The following TMEM117 variants were observed in gnomAD, a reference collection of about 807,000 sequenced individuals.
TMEM117 encodes transmembrane protein 117.
In TMEM117, 27 loss-of-function variants were observed where a neutral mutation model predicts 52.4. The ratio of observed to expected loss-of-function variants is 0.51; its 90% confidence interval spans 0.38 to 0.71. The LOEUF (loss-of-function observed/expected upper bound fraction) is 0.71. Ranked by LOEUF, TMEM117 falls within the 30% of genes least tolerant of loss-of-function variation. The probability of loss-of-function intolerance (pLI) is 0.00; values close to 1 mark genes in which losing one functional copy is unlikely to be tolerated. For synonymous variants in TMEM117, 215 were observed against 206.3 expected (o/e 1.04, Z -0.36); for missense variants, 556 against 630.5 (o/e 0.88, Z 1.26).
intron 5 of TMEM117, among the ~76,000 whole-genome samples, chr12:44,294,194 T>A (rs1248662508): frequency 6.6e-6 from 1 of 152,152 alleles, no homozygotes; most frequent in East Asian, 1.9e-4. Context: ...TACCCTTCTT[T>A]GTGATGAGTC....
At chr12:43,989,637 A>G (rs1370471915) in intron 3 of TMEM117, among the ~76,000 whole-genome samples, 1 of 151,966 alleles carries the variant, frequency 6.6e-6, no homozygotes, top group Admixed American at 6.6e-5. Context: ...TTTCTGGACA[A>G]TTGTTTTCTC....
chr12:43,976,522 C>T (rs745529869), intron 3 of TMEM117, among the ~76,000 whole-genome samples: 12 of 152,068 alleles, frequency 7.9e-5, no homozygotes, highest in East Asian at 1.9e-4. Context: ...ATCCTAAGCA[C>T]GAATCATCAA....
chr12:44,300,060 A>G (rs1950820331), intron 6 of TMEM117, among the ~76,000 whole-genome samples: 1 of 152,222 alleles, frequency 6.6e-6, no homozygotes, highest in Non-Finnish European at 1.5e-5. Flanking sequence ...AATCCTTGTC[A>G]TTTAGTAAAT....
intron 6 of TMEM117, among the ~76,000 whole-genome samples, chr12:44,342,526 AACAC>A (rs1228494860): frequency 1.3e-5 from 2 of 152,066 alleles, no homozygotes; most frequent in East Asian, 3.9e-4. Flanking sequence ...AAATTATACA[AACAC>A]AGACCATTTA....
chr12:44,079,543 C>T (rs1176956425), intron 3 of TMEM117, among the ~76,000 whole-genome samples: 2 of 151,992 alleles, frequency 1.3e-5, no homozygotes, highest in African/African-American at 4.8e-5. Flanking sequence ...ATCATTTGCC[C>T]ACTTTTTGAT....
intron 3 of TMEM117, among the ~76,000 whole-genome samples, chr12:43,973,878 G>A (rs1367467858): frequency 6.6e-6 from 1 of 152,192 alleles, no homozygotes; most frequent in Non-Finnish European, 1.5e-5. Flanking sequence ...CCACATTATA[G>A]TGACTTTAAA....
chr12:44,306,672 C>T (rs989693456), intron 6 of TMEM117, among the ~76,000 whole-genome samples: 3 of 152,128 alleles, frequency 2.0e-5, no homozygotes, highest in Non-Finnish European at 4.4e-5. Context: ...ATGATTAGTG[C>T]ATTGCAGTTT....
intron 3 of TMEM117, among the ~76,000 whole-genome samples, chr12:44,105,814 G>T (rs1427973120): frequency 6.6e-6 from 1 of 151,998 alleles, no homozygotes; most frequent in African/African-American, 2.4e-5. Context: ...TCTCTTGAGG[G>T]CAGGTCTCGT....
intron 3 of TMEM117, among the ~76,000 whole-genome samples, chr12:44,101,340 T>C (rs979128356): frequency 6.6e-6 from 1 of 151,988 alleles, no homozygotes; most frequent in Non-Finnish European, 1.5e-5. Context: ...CTATTTGCCT[T>C]AAGTATCACT....
intron 5 of TMEM117, among the ~76,000 whole-genome samples, chr12:44,237,529 C>T (rs1428940798): frequency 6.6e-6 from 1 of 151,902 alleles, no homozygotes; most frequent in Non-Finnish European, 1.5e-5. Flanking sequence ...CCAGCTTGGC[C>T]AACATGGTGA....
At position 43,955,603 on chromosome 12, in the gene TMEM117, T is replaced by A. The variant is rs1018346738; in HGVS notation, c.410+11261T>A. On this transcript the variant is annotated intron_variant, in intron 3 of 7. Transcript: ENST00000266534. ...TAACAAGGGAAGTGAAGGACCTCTT[T>A]AAGGAAAACTACAGACCGGTCAAGG... Among the ~76,000 whole-genome samples the A allele has an allele frequency of 6.6e-5, 10 of 152,170 alleles. No individual in the cohort carries two copies. The South Asian group carries it at 1.2e-3, about 19-fold the overall frequency.
At chr12:44,020,573 T>A (rs574108246) in intron 3 of TMEM117, among the ~76,000 whole-genome samples, 1 of 152,326 alleles carries the variant, frequency 6.6e-6, no homozygotes, top group East Asian at 1.9e-4. Flanking sequence ...TAAAGTTTTA[T>A]GTGAGTATTT....
intron 5 of TMEM117, among the ~76,000 whole-genome samples, chr12:44,238,858 C>T (rs1382408162): frequency 6.6e-6 from 1 of 152,136 alleles, no homozygotes; most frequent in East Asian, 1.9e-4. Flanking sequence ...AAGACAAATG[C>T]ACTCAATTGA....
chr12:43,977,763 G>A (rs73085755), intron 3 of TMEM117, among the ~76,000 whole-genome samples: 11,256 of 152,048 alleles, frequency 0.074, 692 homozygotes, highest in African/African-American at 0.18. Context: ...TGGCAAAATA[G>A]TTGAAATTGT....
chr12:44,159,013 T>A (rs1019890749), intron 4 of TMEM117, among the ~76,000 whole-genome samples: 6 of 152,096 alleles, frequency 3.9e-5, no homozygotes, highest in Non-Finnish European at 5.9e-5. Context: ...GGGTGATGCA[T>A]GTTTGATGTT....
chr12:44,356,731 G>A (rs1486081880), intron 6 of TMEM117, among the ~76,000 whole-genome samples: 1 of 152,004 alleles, frequency 6.6e-6, no homozygotes, highest in African/African-American at 2.4e-5. Flanking sequence ...TATCCAATAT[G>A]TTAACGTCGG....
chr12:44,398,533 CAAG>C, the TMEM117 span, among the ~76,000 whole-genome samples: 3 of 152,154 alleles, frequency 2.0e-5, no homozygotes, highest in African/African-American at 7.2e-5. Context: ...GGACTGCAGA[CAAG>C]AGACCAGGCT....
At chr12:44,139,211 T>G (rs1466146332) in intron 3 of TMEM117, among the ~76,000 whole-genome samples, 1 of 152,108 alleles carries the variant, frequency 6.6e-6, no homozygotes, top group African/African-American at 2.4e-5. Flanking sequence ...GTGTACTGCC[T>G]CCTGTTAAAA....
At chr12:44,020,416 C>T (rs1303419228) in intron 3 of TMEM117, among the ~76,000 whole-genome samples, 1 of 152,162 alleles carries the variant, frequency 6.6e-6, no homozygotes, top group Admixed American at 6.6e-5. Flanking sequence ...GGTAGCATGG[C>T]ATAGTTCAAG....
Sources: allele counts gnomAD v4.1 joint callset (sites outside exome capture counted in the v4.1 genomes callset), GRCh38; gene constraint gnomAD v4.1.1; transcripts MANE v1.5; gene names NCBI Gene and HGNC (gene_info 2026-07-23, HGNC 2026-07-21).